SMARCA2: variants seen among roughly 807,000 people sequenced by gnomAD.
The protein encoded by SMARCA2 is SWI/SNF related BAF chromatin remodeling complex subunit ATPase 2.
Under a neutral mutation model 199.8 loss-of-function variants are expected in SMARCA2, and 61 were observed. The observed-to-expected ratio is 0.31, with a 90% CI of 0.25 to 0.38. The LOEUF (loss-of-function observed/expected upper bound fraction) is 0.38. SMARCA2 is among the 10% of genes least tolerant of loss of function. The pLI is 1.00. For synonymous variants in SMARCA2, 935 were observed against 732.0 expected, an observed-to-expected ratio of 1.28 and a Z score of -4.48; for missense variants, 1,344 against 2,012.2, an observed-to-expected ratio of 0.67 and a Z score of 6.35.
At chr9:2,092,493 A>G (rs1368083597) in intron 19 of SMARCA2, among the ~76,000 whole-genome samples, 3 of 152,258 alleles carry the variant, frequency 2.0e-5, no homozygotes, top group Admixed American at 2.0e-4. Flanking sequence ...GTGGTGATAT[A>G]TCGCATGTAG....
At chr9:2,176,175 C>T (rs907593057) in intron 29 of SMARCA2, among the ~76,000 whole-genome samples, 1 of 122,080 alleles carries the variant, frequency 8.2e-6, no homozygotes, top group African/African-American at 4.3e-5. Context: ...GCCACCGCGC[C>T]CGGCCTGTTT....
chr9:2,067,274 A>G (rs1471062269), intron 9 of SMARCA2, among the ~76,000 whole-genome samples: 1 of 152,244 alleles, frequency 6.6e-6, no homozygotes, highest in Non-Finnish European at 1.5e-5. Context: ...AGTGGAAAGC[A>G]TTGTTCTTTG....
intron 9 of SMARCA2, among the ~76,000 whole-genome samples, 166 bp from the exon 10 acceptor site, chr9:2,070,252 G>A (rs182643275): frequency 2.0e-5 from 3 of 152,248 alleles, no homozygotes; most frequent in Admixed American, 2.0e-4. Flanking sequence ...TAAAATACAT[G>A]TTTTGTCTCA....
intron 27 of SMARCA2, among the ~76,000 whole-genome samples, chr9:2,157,410 ACCCCACC>A (rs1238323734): frequency 6.6e-6 from 1 of 152,042 alleles, no homozygotes; most frequent in Non-Finnish European, 1.5e-5. Flanking sequence ...GGGCTCTATA[ACCCCACC>A]CCCATGCCCA....
intron 29 of SMARCA2, among the ~76,000 whole-genome samples, chr9:2,173,038 A>T (rs921968647): frequency 2.6e-5 from 4 of 152,184 alleles, no homozygotes; most frequent in Non-Finnish European, 1.5e-5. Context: ...TAGGATTGAC[A>T]AGACTTAGGG....
chr9:2,142,051 G>A, intron 27 of SMARCA2, among the ~76,000 whole-genome samples: 1 of 152,110 alleles, frequency 6.6e-6, no homozygotes, highest in South Asian at 2.1e-4. Flanking sequence ...CTTCTGCCAA[G>A]CAGTTAGGAC....
chr9:2,129,524 G>T (rs924888199), intron 27 of SMARCA2, among the ~76,000 whole-genome samples: 1 of 152,182 alleles, frequency 6.6e-6, no homozygotes, highest in African/African-American at 2.4e-5. Context: ...CAGTCCTCCA[G>T]CTCATCAGTG....
Position 2,182,016 on chromosome 9 carries a change from C to A in SMARCA2, c.4360-125C>A. 5.3e-6 allele frequency: 4 copies of A among 758,314 alleles called. No homozygotes were observed. In the South Asian group the frequency reaches 5.7e-5, roughly 11 times the overall value. The allele number at this position is 758,314 out of a possible 1,614,324, so 47.0% of individuals were successfully genotyped here. A position where few individuals can be genotyped will look rare whatever the true frequency, so the allele number is the denominator to read the frequency against. Reference sequence around the variant, plus strand: ...TGGCGCCCCCTGGGGTTATGCAGTCCCAGATCCCTGGCAGGGCTTTATGCT... The same window carrying A: ...TGGCGCCCCCTGGGGTTATGCAGTCACAGATCCCTGGCAGGGCTTTATGCT... On this transcript the variant is annotated intron_variant, in intron 30 of 33. Coordinates refer to ENST00000349721, the MANE Select transcript of SMARCA2 (RefSeq NM_003070.5).
intron 27 of SMARCA2, among the ~76,000 whole-genome samples, chr9:2,148,403 T>A (rs535453169): frequency 6.6e-6 from 1 of 151,686 alleles, no homozygotes; most frequent in East Asian, 1.9e-4. Context: ...TTCAGATTTA[T>A]TGACTATCAG....
At chr9:2,102,104 A>T (rs540388739) in intron 22 of SMARCA2, among the ~76,000 whole-genome samples, 1 of 151,958 alleles carries the variant, frequency 6.6e-6, no homozygotes, top group East Asian at 1.9e-4. Flanking sequence ...GACTTGCAAC[A>T]ACAAAAATGA....
intron 27 of SMARCA2, chr9:2,158,922 A>C: frequency 1.2e-6 from 2 of 1,610,696 alleles, no homozygotes; most frequent in Non-Finnish European, 1.7e-6. Flanking sequence ...GGAGGAGGGA[A>C]GATGTTTTGT....
chr9:2,123,795 T>C lies in SMARCA2; in HGVS notation c.3839T>C (p.Leu1280Pro). 6.2e-7 allele frequency: 1 copy of C among 1,613,908 alleles called. No homozygotes were observed. The highest frequency in any genetic ancestry group is 8.5e-7 in the Non-Finnish European group (1 of 1,179,882). The stretch of plus-strand genomic sequence containing the variant: ...CCCCGTTTAATGGAGGAGGATGAGC[T>C]GCCCTCCTGGATCATTAAGGATGAC... ...RKPRLMEEDE[L>P]PSWIIKDDAE... is the part of the protein sequence containing the mutation. Residue 1280 changes from leucine (L) to proline (P), a missense_variant, in exon 27 of 34, where the codon CTG becomes CCG. By Grantham distance (98) the Leu-to-Pro change is moderately conservative (BLOSUM62 -3). Transcript: ENST00000349721. The surrounding 1 kb of genome is among the most constrained non-coding windows in gnomAD (Gnocchi z 4.1).
At chr9:2,125,514 G>T (rs1195089703) in intron 27 of SMARCA2, among the ~76,000 whole-genome samples, 4 of 136,064 alleles carry the variant, frequency 2.9e-5, no homozygotes, top group African/African-American at 1.2e-4. Context: ...TTTTGAGACA[G>T]AGTCTCTCTC....
chr9:2,121,698 A>G (rs60129761), intron 26 of SMARCA2, among the ~76,000 whole-genome samples: 224 of 152,340 alleles, frequency 1.5e-3, no homozygotes, highest in African/African-American at 5.2e-3. Context: ...TGATAAGCAG[A>G]TAGTTTATTT....
At chr9:2,146,742 T>G (rs563624286) in intron 27 of SMARCA2, among the ~76,000 whole-genome samples, 1 of 152,260 alleles carries the variant, frequency 6.6e-6, no homozygotes, top group African/African-American at 2.4e-5. Context: ...ATGCCTCCCC[T>G]TTTTAGACCA....
At chr9:2,163,180 G>C (rs1175378958) in intron 28 of SMARCA2, among the ~76,000 whole-genome samples, 1 of 152,232 alleles carries the variant, frequency 6.6e-6, no homozygotes, top group African/African-American at 2.4e-5. Context: ...TTTCAGAAAT[G>C]GGGAAAGAGG....
At chr9:2,139,055 G>A (rs1437198604) in intron 27 of SMARCA2, among the ~76,000 whole-genome samples, 2 of 152,178 alleles carry the variant, frequency 1.3e-5, no homozygotes, top group Non-Finnish European at 2.9e-5. Flanking sequence ...GTTGAGATGA[G>A]TCCTGTGTGC....
chr9:2,089,780 T>C (rs1586693874), intron 19 of SMARCA2, among the ~76,000 whole-genome samples: 1 of 152,314 alleles, frequency 6.6e-6, no homozygotes, highest in East Asian at 1.9e-4. Context: ...AGTAGATAAA[T>C]TGATGAATGG....
At chr9:2,079,420 C>T (rs1408173892) in intron 14 of SMARCA2, among the ~76,000 whole-genome samples, 1 of 152,202 alleles carries the variant, frequency 6.6e-6, no homozygotes, top group East Asian at 1.9e-4. Context: ...GTCTGCTGCC[C>T]TTGCATAGGA....
Sources: gnomAD v4.1 joint callset for allele counts (sites outside exome capture counted in the v4.1 genomes callset) on GRCh38, gnomAD v4.1.1 for gene constraint, Gnocchi (gnomAD v3.1) non-coding constraint, MANE v1.5 for transcripts, NCBI Gene and HGNC (gene_info 2026-07-23, HGNC 2026-07-21) for gene names.